The following SYNPR variants were observed in gnomAD, a reference collection of about 807,000 sequenced individuals.
The protein encoded by SYNPR is synaptoporin.
In SYNPR, 23 loss-of-function variants were observed where a neutral mutation model predicts 32.9. The observed-to-expected ratio is 0.70, with a 90% CI of 0.50 to 0.99. The LOEUF (loss-of-function observed/expected upper bound fraction) is 0.99, where lower values mean the gene tolerates loss of function less well. SYNPR is among the 50% of genes least tolerant of loss of function. SYNPR has a pLI of 0.00. For missense variants in SYNPR, 318 were observed against 349.3 expected (o/e 0.91, Z 0.71); for synonymous variants, 146 against 135.9 (o/e 1.07, Z -0.52).
chr3:63,219,771 G>T, the SYNPR span, among the ~76,000 whole-genome samples: 1 of 152,114 alleles, frequency 6.6e-6, no homozygotes, highest in South Asian at 2.1e-4. Flanking sequence ...CATTCTCATT[G>T]TCTTCACGTT....
At position 63,245,735 on chromosome 3, in the gene SYNPR, G is replaced by GTGTA. The variant is rs2086282838; in HGVS notation, n.67-6761_67-6760insATGT. On this transcript the variant is annotated intron_variant and non_coding_transcript_variant, in intron 1 of 4. Transcript: ENST00000478456. Reference sequence around the variant, plus strand: ...AGTGTGTGTGTGTGTGTGTGTGTGTGTGTGTATGTGTGTGTGTGTGTGTGT... The same window carrying GTGTA: ...AGTGTGTGTGTGTGTGTGTGTGTGTGTGTATGTGTATGTGTGTGTGTGTGTGTGT... 4.3e-5 allele frequency among the ~76,000 whole-genome samples: 4 copies of GTGTA among 93,490 alleles called. No individual in the cohort carries two copies. In the South Asian group the frequency reaches 1.2e-3, roughly 27 times the overall value. The allele number at this position is 93,490 out of a possible 152,430, so 61.3% of individuals were successfully genotyped here.
chr3:63,518,074 G>C (rs1701833566), intron 3 of SYNPR, among the ~76,000 whole-genome samples: 1 of 152,076 alleles, frequency 6.6e-6, no homozygotes, highest in Admixed American at 6.6e-5. Flanking sequence ...TCAGAATTTT[G>C]GGAGATTTTA....
intron 1 of SYNPR, among the ~76,000 whole-genome samples, chr3:63,251,100 C>T (rs1320231): frequency 0.76 from 115,365 of 151,936 alleles, 44,606 homozygotes; most frequent in Middle Eastern, 0.85. Context: ...GAACTTTGTA[C>T]TACTGGGTAC....
At chr3:63,280,592 CTTCCTCT>C (rs2086619719) in intron 2 of SYNPR, among the ~76,000 whole-genome samples, 1 of 151,828 alleles carries the variant, frequency 6.6e-6, no homozygotes, top group African/African-American at 2.4e-5. Context: ...GTATTTATTC[CTTCCTCT>C]TTCCTCTATC....
At chr3:63,247,832 G>A (rs1267912366) in intron 1 of SYNPR, among the ~76,000 whole-genome samples, 2 of 152,114 alleles carry the variant, frequency 1.3e-5, no homozygotes, top group Non-Finnish European at 2.9e-5. Context: ...AGTTTCTGAC[G>A]AAGAAGGAGC....
intron 2 of SYNPR, among the ~76,000 whole-genome samples, chr3:63,298,273 G>T (rs996586708): frequency 3.3e-5 from 5 of 152,158 alleles, no homozygotes; most frequent in African/African-American, 1.2e-4. Context: ...TCTCACTGTT[G>T]TAATTCTTGC....
At chr3:63,608,726 G>C (rs889307046) in intron 4 of SYNPR, among the ~76,000 whole-genome samples, 2 of 152,008 alleles carry the variant, frequency 1.3e-5, no homozygotes, top group African/African-American at 4.8e-5. Flanking sequence ...AGGTTGCCTG[G>C]GTTTGAATCC....
intron 2 of SYNPR, among the ~76,000 whole-genome samples, chr3:63,265,786 T>C (rs1397383693): frequency 2.0e-5 from 3 of 152,202 alleles, no homozygotes; most frequent in Non-Finnish European, 4.4e-5. Flanking sequence ...ATATCACCAC[T>C]GTTGTCCTAA....
chr3:63,389,678 G>T (rs1030248093), intron 2 of SYNPR, among the ~76,000 whole-genome samples: 1 of 152,132 alleles, frequency 6.6e-6, no homozygotes, highest in Non-Finnish European at 1.5e-5. Flanking sequence ...GGTGATTCCC[G>T]AGGGAAAATC....
chr3:63,409,555 C>A (rs762361022), intron 2 of SYNPR, among the ~76,000 whole-genome samples: 3 of 152,112 alleles, frequency 2.0e-5, no homozygotes, highest in Admixed American at 6.6e-5. Flanking sequence ...CAGTGAGGAC[C>A]ATGGTGGTCA....
intron 2 of SYNPR, among the ~76,000 whole-genome samples, chr3:63,330,534 AAG>A (rs938280994): frequency 9.2e-5 from 14 of 152,146 alleles, no homozygotes; most frequent in African/African-American, 3.4e-4. Flanking sequence ...AGACCGCAGA[AAG>A]AGAGAGACTA....
At chr3:63,217,690 C>G in the SYNPR span, among the ~76,000 whole-genome samples, 15 of 152,078 alleles carry the variant, frequency 9.9e-5, no homozygotes, top group Admixed American at 4.6e-4. Context: ...ACGCTGGGAG[C>G]TGTAGACCGG....
At chr3:63,473,270 C>A (rs1468699595) in intron 2 of SYNPR, among the ~76,000 whole-genome samples, 6 of 152,110 alleles carry the variant, frequency 3.9e-5, no homozygotes, top group African/African-American at 1.4e-4. Context: ...ACCACATATT[C>A]CCCTAACGTG....
upstream of SYNPR, among the ~76,000 whole-genome samples, chr3:63,223,903 G>C (rs187545781): frequency 6.6e-6 from 1 of 152,224 alleles, no homozygotes; most frequent in African/African-American, 2.4e-5. Flanking sequence ...CCCACTTCAT[G>C]ATGCATGTAT....
chr3:63,287,569 A>G (rs1481284131), intron 2 of SYNPR, among the ~76,000 whole-genome samples: 2 of 152,218 alleles, frequency 1.3e-5, no homozygotes, highest in African/African-American at 2.4e-5. Flanking sequence ...CTTAACACAC[A>G]GTAAGGCCAA....
At chr3:63,283,809 CCTT>C (rs1396772366) in intron 2 of SYNPR, among the ~76,000 whole-genome samples, 2 of 129,920 alleles carry the variant, frequency 1.5e-5, no homozygotes, top group African/African-American at 6.0e-5. Flanking sequence ...CAGATAATTA[CCTT>C]TTTTTTTTTT....
At chr3:63,268,130 A>G (rs1039027010) in intron 3 of SYNPR, among the ~76,000 whole-genome samples, 1 of 152,192 alleles carries the variant, frequency 6.6e-6, no homozygotes, top group African/African-American at 2.4e-5. Flanking sequence ...GCCAAGGTGT[A>G]AGTGAGAGGG....
chr3:63,250,989 A>G lies in SYNPR; in HGVS notation n.67-1510A>G, dbSNP rs141018787. On this transcript the variant is annotated intron_variant and non_coding_transcript_variant, in intron 1 of 4. Coordinates refer to the SYNPR transcript ENST00000478456. The stretch of plus-strand genomic sequence containing the variant: ...TAGAAGCATAACACTTAAAATTACA[A>G]TAGAAACCACCAAAAGAACAAAAAT... Among the ~76,000 whole-genome samples the G allele has an allele frequency of 4.9e-3, 746 of 152,296 alleles. 19 individuals are homozygous for G. Among genetic ancestry groups the G allele is most frequent in the Admixed American group, 0.032 (484 of 15,286 alleles).
Position 63,338,922 on chromosome 3 carries a change from C to A in SYNPR, c.84+60180C>A, listed in dbSNP as rs969012584. 2.0e-5 allele frequency among the ~76,000 whole-genome samples: 3 copies of A among 152,330 alleles called. No homozygotes were observed. The South Asian group carries it at 6.2e-4, about 32-fold the overall frequency. On this transcript the variant is annotated intron_variant, in intron 2 of 5. Coordinates refer to ENST00000478300, the MANE Select transcript of SYNPR (RefSeq NM_001130003.2). ...CTCCTTCATGGGCCAAAGTAAAGGA[C>A]CATGTCAGCGAATATTGGACTGTCC...
Sources: allele counts gnomAD v4.1 joint callset (sites outside exome capture counted in the v4.1 genomes callset), GRCh38; gene constraint gnomAD v4.1.1; transcripts MANE v1.5; gene names NCBI Gene and HGNC (gene_info 2026-07-23, HGNC 2026-07-21).